PUM2: variants seen among roughly 807,000 people sequenced by gnomAD.
PUM2 encodes the protein pumilio RNA binding family member 2, also known as pumilio homolog 2.
A neutral mutation model predicts 124.5 loss-of-function variants in PUM2; 57 were observed. The observed-to-expected ratio is 0.46, with a 90% CI of 0.37 to 0.57. PUM2 has a LOEUF of 0.57. Ranked by LOEUF, PUM2 falls within the 20% of genes least tolerant of loss-of-function variation. PUM2 has a pLI of 0.00. For synonymous variants in PUM2, 460 were observed against 446.1 expected, an observed-to-expected ratio of 1.03 and a Z score of -0.39; for missense variants, 1,065 against 1,290.6, an observed-to-expected ratio of 0.83 and a Z score of 2.68.
Position 20,308,470 on chromosome 2 carries a change from T to G in PUM2, c.633A>C (p.Pro211=), listed in dbSNP as rs202245043. ...GPLPNPTANK[P]LVEEFSNPET... is the part of the protein sequence containing the mutation. ...CAGGATTTGAAAATTCTTCAACAAGTGGTTTATTAGCTGTAGGATTAGGAA... is the reference window on the plus strand; with the variant it reads ...CAGGATTTGAAAATTCTTCAACAAGGGGTTTATTAGCTGTAGGATTAGGAA... The change falls in exon 6 of 21, where the codon CCA becomes CCC. Residue 211 remains proline (P), a synonymous_variant. Transcript: ENST00000361078. 48 of 1,614,112 alleles carry G rather than the reference T, an allele frequency of 3.0e-5. No individual in the cohort carries two copies. In the East Asian group the frequency reaches 1.0e-3, roughly 34 times the overall value.
intron 7 of PUM2, among the ~76,000 whole-genome samples, chr2:20,307,044 C>T (rs1477789084): frequency 1.3e-5 from 2 of 151,878 alleles, no homozygotes; most frequent in East Asian, 2.0e-4. Flanking sequence ...GTAAAACCCC[C>T]GTCTCTACTA....
intron 2 of PUM2, among the ~76,000 whole-genome samples, chr2:20,326,931 A>G (rs1166723883): frequency 6.6e-6 from 1 of 152,090 alleles, no homozygotes; most frequent in East Asian, 1.9e-4. Context: ...GGTGAACAAG[A>G]GATTTTTGGA....
chr2:20,337,637 A>G (rs1347837226), intron 1 of PUM2, among the ~76,000 whole-genome samples: 1 of 152,254 alleles, frequency 6.6e-6, no homozygotes, highest in African/African-American at 2.4e-5. Flanking sequence ...TCAGTTACAC[A>G]ATTCAGACAA....
At chr2:20,324,411 C>T (rs958437879) in intron 2 of PUM2, among the ~76,000 whole-genome samples, 11 of 152,230 alleles carry the variant, frequency 7.2e-5, no homozygotes, top group Admixed American at 5.9e-4. Flanking sequence ...AAGATATTCT[C>T]AAAATAAAAG....
intron 2 of PUM2, among the ~76,000 whole-genome samples, chr2:20,323,823 T>C (rs1404305795): frequency 1.4e-5 from 2 of 144,936 alleles, no homozygotes; most frequent in Non-Finnish European, 3.0e-5. Flanking sequence ...CACATTTAAC[T>C]ACCATAAAAG....
At chr2:20,293,662 C>T (rs555418670) in intron 9 of PUM2, among the ~76,000 whole-genome samples, 49 of 151,778 alleles carry the variant, frequency 3.2e-4, no homozygotes, top group Admixed American at 8.5e-4. Flanking sequence ...GAGCCAAGAT[C>T]GTGCCACTAC....
At chr2:20,255,678 C>G (rs896294714) in intron 17 of PUM2, among the ~76,000 whole-genome samples, 1 of 152,168 alleles carries the variant, frequency 6.6e-6, no homozygotes, top group Non-Finnish European at 1.5e-5. Context: ...GTATTAGTTA[C>G]AAATTGCTAT....
intron 2 of PUM2, among the ~76,000 whole-genome samples, chr2:20,322,598 T>C (rs1682636284): frequency 6.6e-6 from 1 of 151,314 alleles, no homozygotes; most frequent in Non-Finnish European, 1.5e-5. Flanking sequence ...AGCTCAGGAG[T>C]TGAAGACCAG....
chr2:20,251,433 TAA>T lies in PUM2; in HGVS notation c.*150_*151del. ...ACCCCCCAAATATACACAAGAACCT[TAA>T]AAAATTTACAAATGGATGAATAAAG... On this transcript the variant is annotated 3_prime_UTR_variant, in exon 21 of 21. Transcript: ENST00000361078. The T allele has an allele frequency of 9.9e-7, 1 of 1,007,040 alleles. No individual in the cohort carries two copies. The highest frequency in any genetic ancestry group is 1.4e-6 in the Non-Finnish European group (1 of 715,128). The allele number at this position is 1,007,040 out of a possible 1,614,324, so 62.4% of individuals were successfully genotyped here.
chr2:20,278,615 G>C lies in PUM2; in HGVS notation c.1925C>G (p.Ser642Ter). The change falls in exon 13 of 21, where the codon TCA (serine) becomes TGA (stop). Residue 642 changes from serine to a stop codon, truncating the protein, a stop_gained. Coordinates refer to ENST00000361078, the MANE Select transcript of PUM2 (RefSeq NM_015317.5). LOFTEE classifies it high-confidence loss of function. Reference protein sequence around the residue: ...GHSLTPPPSLSSHGSSSSLHL... With the variant: ...GHSLTPPPSL ...CAAACTGGATGAGGATCCATGTGAT[G>C]AAAGTGATGGCGGTGGCGTAAGTGA... 6.2e-7 allele frequency: 1 copy of C among 1,613,108 alleles called. No individual in the cohort carries two copies. The highest frequency in any genetic ancestry group is 1.1e-5 in the South Asian group (1 of 91,050).
chr2:20,294,477 C>T lies in PUM2; in HGVS notation c.1051G>A (p.Gly351Arg), dbSNP rs940395315. The T allele has an allele frequency of 6.2e-7, 1 of 1,614,118 alleles. No homozygotes were observed. The highest frequency in any genetic ancestry group is 1.7e-5 in the Admixed American group (1 of 60,010). The part of the protein sequence containing the change: ...VPPQYYGVPW[G>R]VYPANLFQQQ... Reference sequence around the variant, plus strand: ...TGAAATAAGTTGGCTGGATACACCCCCCATGGAACGCCGTAATACTGAGGT... The same window carrying T: ...TGAAATAAGTTGGCTGGATACACCCTCCATGGAACGCCGTAATACTGAGGT... The change falls in exon 9 of 21, where the codon GGG (glycine) becomes AGG (arginine). Residue 351 changes from glycine to arginine, a missense_variant. Transcript: ENST00000361078.
intron 9 of PUM2, among the ~76,000 whole-genome samples, chr2:20,292,249 G>A (rs947173081): frequency 1.0e-4 from 15 of 150,606 alleles, no homozygotes; most frequent in African/African-American, 2.7e-4. Context: ...GTCAGTGCAC[G>A]GAGCCCCAGA....
At chr2:20,274,937 CACA>C (rs1402790820) in intron 13 of PUM2, among the ~76,000 whole-genome samples, 3 of 36,052 alleles carry the variant, frequency 8.3e-5, no homozygotes, top group Non-Finnish European at 1.1e-4. Flanking sequence ...TAATGTTCTT[CACA>C]ACAAGTGAAG....
intron 10 of PUM2, 31 bp from the exon 11 acceptor site, chr2:20,283,517 C>T: frequency 2.6e-6 from 4 of 1,566,312 alleles, no homozygotes; most frequent in Non-Finnish European, 3.5e-6. Context: ...CTAATGAAAG[C>T]ACTTATTACA....
intron 1 of PUM2, among the ~76,000 whole-genome samples, chr2:20,336,847 C>A (rs973040430): frequency 1.3e-5 from 2 of 150,356 alleles, no homozygotes; most frequent in Non-Finnish European, 2.9e-5. Context: ...ATCTGGAACT[C>A]GTGAGTTCAA....
intron 1 of PUM2, among the ~76,000 whole-genome samples, chr2:20,335,462 T>C (rs1685799001): frequency 6.6e-6 from 1 of 152,220 alleles, no homozygotes; most frequent in Admixed American, 6.5e-5. Context: ...TTTAACAAAG[T>C]TTCTACTATT....
At chr2:20,298,575 T>C (rs973341734) in intron 7 of PUM2, among the ~76,000 whole-genome samples, 1 of 151,958 alleles carries the variant, frequency 6.6e-6, no homozygotes, top group African/African-American at 2.4e-5. Flanking sequence ...CAAAAATAAA[T>C]AAAAAATAAT....
intron 3 of PUM2, 33 bp from the exon 4 acceptor site, chr2:20,312,456 ATACTTT>A: frequency 1.9e-6 from 3 of 1,559,240 alleles, no homozygotes; most frequent in Non-Finnish European, 2.6e-6. Context: ...TTATATACTT[ATACTTT>A]TAAGTTAAAC....
intron 13 of PUM2, among the ~76,000 whole-genome samples, chr2:20,274,623 C>T (rs1188776799): frequency 6.6e-6 from 1 of 151,918 alleles, no homozygotes; most frequent in Non-Finnish European, 1.5e-5. Context: ...ATAAATTTTA[C>T]TGGGTTCAAA....
Sources: gnomAD v4.1 joint callset for allele counts (sites outside exome capture counted in the v4.1 genomes callset) on GRCh38, gnomAD v4.1.1 for gene constraint, MANE v1.5 for transcripts, NCBI Gene and HGNC (gene_info 2026-07-23, HGNC 2026-07-21) for gene names.